REDIC1: variants seen among roughly 807,000 people sequenced by gnomAD.
REDIC1 encodes the protein HEI10 Interacting Protein 1.
chr12:39,888,465 T>C, the REDIC1 span, among the ~76,000 whole-genome samples: 1 of 152,192 alleles, frequency 6.6e-6, no homozygotes, highest in Non-Finnish European at 1.5e-5. Flanking sequence ...CCTCAGGTAA[T>C]CCACCGTCCT....
the REDIC1 span, among the ~76,000 whole-genome samples, chr12:39,666,821 C>T: frequency 6.6e-6 from 1 of 152,122 alleles, no homozygotes; most frequent in African/African-American, 2.4e-5. Flanking sequence ...AGGAATTTAT[C>T]CTTTTCTTCT....
chr12:39,765,937 C>T, the REDIC1 span, among the ~76,000 whole-genome samples: 11 of 152,062 alleles, frequency 7.2e-5, no homozygotes, highest in African/African-American at 2.7e-4. Context: ...TCCATGTGTT[C>T]TCATTGTTCA....
the REDIC1 span, among the ~76,000 whole-genome samples, chr12:39,777,120 A>C: frequency 7.9e-5 from 12 of 152,204 alleles, no homozygotes; most frequent in African/African-American, 2.7e-4. Context: ...CTCAAGAAAA[A>C]ACAAACTTAG....
At chr12:39,649,093 G>T in the REDIC1 span, among the ~76,000 whole-genome samples, 2 of 151,802 alleles carry the variant, frequency 1.3e-5, no homozygotes, top group Non-Finnish European at 2.9e-5. Flanking sequence ...TAAAACATCT[G>T]TGTAATCTCT....
chr12:39,683,119 C>G, the REDIC1 span: 1 of 1,599,574 alleles, frequency 6.3e-7, no homozygotes, highest in Non-Finnish European at 8.5e-7. Context: ...CGATTACTAC[C>G]CAAGCAGCTC....
the REDIC1 span, among the ~76,000 whole-genome samples, chr12:39,712,862 TACACGTATATAC>T: frequency 7.1e-5 from 1 of 14,024 alleles, no homozygotes; most frequent in Non-Finnish European, 5.5e-4. Flanking sequence ...CATATGTATA[TACACGTATATAC>T]ACGTATATAC....
the REDIC1 span, among the ~76,000 whole-genome samples, chr12:39,861,992 G>A: frequency 6.6e-6 from 1 of 152,200 alleles, no homozygotes; most frequent in East Asian, 1.9e-4. Context: ...ATTAAGCCCC[G>A]CATGCATTAG....
the REDIC1 span, among the ~76,000 whole-genome samples, chr12:39,714,887 C>T: frequency 6.6e-6 from 1 of 151,868 alleles, no homozygotes; most frequent in East Asian, 1.9e-4. Context: ...TATTCATGCC[C>T]TTAGCCCACT....
the REDIC1 span, chr12:39,646,822 A>T: frequency 2.6e-6 from 4 of 1,534,428 alleles, no homozygotes; most frequent in Non-Finnish European, 3.6e-6. Flanking sequence ...TTTTAACCTA[A>T]ATTTTTCTTT....
chr12:39,677,847 G>A, the REDIC1 span, among the ~76,000 whole-genome samples: 1 of 152,142 alleles, frequency 6.6e-6, no homozygotes, highest in African/African-American at 2.4e-5. Flanking sequence ...TGATCTTTGG[G>A]TCAACAATGA....
At chr12:39,752,545 AAAT>A in the REDIC1 span, among the ~76,000 whole-genome samples, 1 of 152,178 alleles carries the variant, frequency 6.6e-6, no homozygotes, top group Non-Finnish European at 1.5e-5. Flanking sequence ...AATAGTCTTC[AAAT>A]AATGATACCA....
the REDIC1 span, among the ~76,000 whole-genome samples, chr12:39,907,047 TAAATC>T: frequency 1.8e-4 from 27 of 152,272 alleles, no homozygotes; most frequent in South Asian, 5.4e-3. Context: ...AATTAACCCA[TAAATC>T]AATTTATATA....
the REDIC1 span, among the ~76,000 whole-genome samples, chr12:39,729,961 A>G: frequency 6.6e-6 from 1 of 152,078 alleles, no homozygotes; most frequent in African/African-American, 2.4e-5. Flanking sequence ...AGTCTGTTTT[A>G]TCAGAGACTA....
the REDIC1 span, among the ~76,000 whole-genome samples, chr12:39,812,996 A>ATT: frequency 1.9e-3 from 77 of 40,608 alleles, 15 homozygotes; most frequent in African/African-American, 6.4e-3. Flanking sequence ...TGCCCAGCTA[A>ATT]TTTTTTTTTT....
chr12:39,652,135 T>C, the REDIC1 span, among the ~76,000 whole-genome samples: 5 of 152,160 alleles, frequency 3.3e-5, no homozygotes, highest in African/African-American at 1.2e-4. Context: ...GCACAACGTA[T>C]TCATTTACCT....
the REDIC1 span, among the ~76,000 whole-genome samples, chr12:39,851,128 G>A: frequency 6.6e-6 from 1 of 152,020 alleles, no homozygotes; most frequent in Non-Finnish European, 1.5e-5. Context: ...TCGAACTCCC[G>A]ACCTCAGATG....
the REDIC1 span, among the ~76,000 whole-genome samples, chr12:39,833,214 A>G: frequency 6.6e-6 from 1 of 152,118 alleles, no homozygotes; most frequent in Admixed American, 6.6e-5. Flanking sequence ...TGCTTTAAGG[A>G]CAGAGCTGAG....
At chr12:39,839,954 T>C in the REDIC1 span, among the ~76,000 whole-genome samples, 1 of 152,226 alleles carries the variant, frequency 6.6e-6, no homozygotes, top group African/African-American at 2.4e-5. Context: ...TGCAGAACAT[T>C]CATATTTAAA....
the REDIC1 span, among the ~76,000 whole-genome samples, chr12:39,718,367 A>T: frequency 6.6e-6 from 1 of 152,112 alleles, no homozygotes; most frequent in Non-Finnish European, 1.5e-5. Context: ...TAGCAATATC[A>T]AAATAACTTT....
Sources: allele counts gnomAD v4.1 joint callset (sites outside exome capture counted in the v4.1 genomes callset), GRCh38; gene constraint gnomAD v4.1.1; transcripts MANE v1.5; gene names NCBI Gene and HGNC (gene_info 2026-07-23, HGNC 2026-07-21).